Variants in ATXN1 observed in about 807,000 individuals in gnomAD.
The protein encoded by ATXN1 is ataxin-1.
ATXN1 carries 8 observed loss-of-function variants against 56.4 expected under a neutral mutation model. The observed-to-expected ratio is 0.14, with a 90% CI of 0.08 to 0.26. The LOEUF (loss-of-function observed/expected upper bound fraction) is 0.26, where lower values mean the gene tolerates loss of function less well. Among genes scored for constraint, ATXN1 ranks in the 10% least tolerant of loss-of-function variants. The probability of loss-of-function intolerance (pLI) is 1.00; values close to 1 mark genes in which losing one functional copy is unlikely to be tolerated. For missense variants in ATXN1, 987 were observed against 1,106.5 expected, an observed-to-expected ratio of 0.89 and a Z score of 1.53; for synonymous variants, 514 against 494.6, an observed-to-expected ratio of 1.04 and a Z score of -0.52.
At chr6:16,693,323 C>T (rs1759088423) in intron 2 of ATXN1, among the ~76,000 whole-genome samples, 1 of 152,184 alleles carries the variant, frequency 6.6e-6, no homozygotes, top group African/African-American at 2.4e-5. Flanking sequence ...GCTCCACTGT[C>T]CTCATCTGTA....
intron 6 of ATXN1, among the ~76,000 whole-genome samples, chr6:16,409,318 T>C (rs1311904643): frequency 6.6e-6 from 1 of 151,230 alleles, no homozygotes; most frequent in African/African-American, 2.4e-5. Flanking sequence ...CCACAGTAAC[T>C]GTAGTTGTTA....
intron 3 of ATXN1, among the ~76,000 whole-genome samples, chr6:16,638,582 C>T (rs1481444427): frequency 1.3e-5 from 2 of 152,116 alleles, no homozygotes; most frequent in African/African-American, 2.4e-5. Flanking sequence ...TCCTGGCCCA[C>T]AATGCATGCA....
chr6:16,383,450 G>T (rs1758174902), intron 6 of ATXN1, among the ~76,000 whole-genome samples: 1 of 152,126 alleles, frequency 6.6e-6, no homozygotes, highest in East Asian at 1.9e-4. Flanking sequence ...ATAGAATATG[G>T]TGCTTATGGT....
intron 3 of ATXN1, among the ~76,000 whole-genome samples, chr6:16,640,161 A>C (rs1763681919): frequency 6.6e-6 from 1 of 152,158 alleles, no homozygotes; most frequent in African/African-American, 2.4e-5. Flanking sequence ...AGCCTCTGCC[A>C]CATTTCGGTA....
At chr6:16,375,216 TCAGGAAGGCAC>T (rs1267564915) in intron 6 of ATXN1, among the ~76,000 whole-genome samples, 1 of 152,220 alleles carries the variant, frequency 6.6e-6, no homozygotes, top group Non-Finnish European at 1.5e-5. Context: ...TCTGGCATGA[TCAGGAAGGCAC>T]CTGGATTTGA....
intron 2 of ATXN1, among the ~76,000 whole-genome samples, chr6:16,689,199 A>G (rs1392244770): frequency 3.9e-5 from 6 of 152,158 alleles, no homozygotes; most frequent in African/African-American, 7.2e-5. Flanking sequence ...GCAATACTTG[A>G]GTCTGCATGA....
intron 2 of ATXN1, among the ~76,000 whole-genome samples, chr6:16,687,780 T>C (rs562537713): frequency 1.3e-5 from 2 of 152,154 alleles, no homozygotes; most frequent in African/African-American, 4.8e-5. Flanking sequence ...AAATGGCTTC[T>C]ACGGTCTTTT....
At chr6:16,741,724 T>C (rs1760345771) in intron 2 of ATXN1, among the ~76,000 whole-genome samples, 1 of 152,246 alleles carries the variant, frequency 6.6e-6, no homozygotes, top group African/African-American at 2.4e-5. Flanking sequence ...GAGACCCACA[T>C]TTCAAGGTCC....
rs116198427 is a variant in ATXN1, at chr6:16,505,485, T to C, written c.-299+17142A>G. ...AACGCATAAACGCATATAAGCTTTATATGGAAGGTTAAGTGCACTGGCAGC... is the reference window on the plus strand; with the variant it reads ...AACGCATAAACGCATATAAGCTTTACATGGAAGGTTAAGTGCACTGGCAGC... On this transcript the variant is annotated intron_variant, in intron 5 of 7. Transcript: ENST00000436367. Among the ~76,000 whole-genome samples the C allele has an allele frequency of 1.0e-2, 1,518 of 152,278 alleles. 8 individuals are homozygous for C. Among genetic ancestry groups the C allele is most frequent in the Non-Finnish European group, 0.016 (1,118 of 68,024 alleles).
At chr6:16,673,990 T>C (rs2113386527) in intron 2 of ATXN1, among the ~76,000 whole-genome samples, 1 of 152,322 alleles carries the variant, frequency 6.6e-6, no homozygotes, top group South Asian at 2.1e-4. Context: ...TGGCAGTTAA[T>C]GTGGTGGTCT....
intron 4 of ATXN1, among the ~76,000 whole-genome samples, chr6:16,540,277 T>TCTCGG (rs149112959): frequency 0.076 from 11,553 of 152,220 alleles, 650 homozygotes; most frequent in African/African-American, 0.15. Flanking sequence ...AGTAGCATGA[T>TCTCGG]CTCGGCTCAA....
At chr6:16,377,098 C>T (rs1762155145) in intron 6 of ATXN1, among the ~76,000 whole-genome samples, 2 of 152,196 alleles carry the variant, frequency 1.3e-5, no homozygotes, top group Non-Finnish European at 2.9e-5. Flanking sequence ...CTCCTTCCAC[C>T]ATGTGAGGAC....
At chr6:16,750,272 G>A (rs990624631) in intron 2 of ATXN1, among the ~76,000 whole-genome samples, 1 of 152,108 alleles carries the variant, frequency 6.6e-6, no homozygotes, top group Non-Finnish European at 1.5e-5. Flanking sequence ...CATTCCCACA[G>A]CACCATGCAG....
intron 6 of ATXN1, among the ~76,000 whole-genome samples, chr6:16,477,538 G>A (rs544157926): frequency 1.3e-5 from 2 of 152,158 alleles, no homozygotes; most frequent in Non-Finnish European, 1.5e-5. Context: ...ACACTGGATG[G>A]CTTTCAGGCC....
chr6:16,356,170 A>T (rs1009770284), intron 6 of ATXN1, among the ~76,000 whole-genome samples: 1 of 152,242 alleles, frequency 6.6e-6, no homozygotes, highest in Non-Finnish European at 1.5e-5. Context: ...GAAACACTGA[A>T]GAAGTGATGT....
intron 3 of ATXN1, among the ~76,000 whole-genome samples, chr6:16,596,253 T>C (rs1392836420): frequency 6.6e-6 from 1 of 152,136 alleles, no homozygotes; most frequent in Non-Finnish European, 1.5e-5. Flanking sequence ...CATCTTGGCC[T>C]CCCAAAGTGC....
chr6:16,454,041 A>G (rs1049876007), intron 6 of ATXN1, among the ~76,000 whole-genome samples: 1 of 148,324 alleles, frequency 6.7e-6, no homozygotes, highest in Non-Finnish European at 1.5e-5. Context: ...CTACTCAGAC[A>G]ATCGCTTGAA....
chr6:16,307,500 C>T (rs1182106944), intron 7 of ATXN1, among the ~76,000 whole-genome samples: 2 of 151,258 alleles, frequency 1.3e-5, no homozygotes, highest in Non-Finnish European at 2.9e-5. Flanking sequence ...GAAACCCCGT[C>T]TCCACTAAAA....
intron 1 of ATXN1, among the ~76,000 whole-genome samples, chr6:16,754,308 T>C (rs1760820739): frequency 6.6e-6 from 1 of 152,214 alleles, no homozygotes; most frequent in African/African-American, 2.4e-5. Context: ...CTGGAGCTGA[T>C]CTGCACATTT....
Sources: gnomAD v4.1 joint callset for allele counts (sites outside exome capture counted in the v4.1 genomes callset) on GRCh38, gnomAD v4.1.1 for gene constraint, MANE v1.5 for transcripts, NCBI Gene and HGNC (gene_info 2026-07-23, HGNC 2026-07-21) for gene names.